SLCO6A1: variants seen among roughly 807,000 people sequenced by gnomAD.
SLCO6A1 encodes the protein cancer/testis antigen 48.
SLCO6A1 carries 65 observed loss-of-function variants against 72.7 expected under a neutral mutation model. That is an observed-to-expected ratio of 0.89 (90% CI 0.73 to 1.10). The LOEUF (loss-of-function observed/expected upper bound fraction) is 1.10. Among genes scored for constraint, SLCO6A1 ranks in the 50% least tolerant of loss-of-function variants. The probability of loss-of-function intolerance (pLI) is 0.00; values close to 1 mark genes in which losing one functional copy is unlikely to be tolerated. For synonymous variants in SLCO6A1, 314 were observed against 298.2 expected (o/e 1.05, Z -0.55); for missense variants, 874 against 872.6 (o/e 1.00, Z -0.02).
chr5:102,430,779 G>A (rs1749173195), intron 7 of SLCO6A1, among the ~76,000 whole-genome samples: 1 of 152,052 alleles, frequency 6.6e-6, no homozygotes, highest in African/African-American at 2.4e-5. Flanking sequence ...TCTCTTCCAG[G>A]TTTTGGTATC....
chr5:102,405,671 T>C (rs1747630740), intron 9 of SLCO6A1, among the ~76,000 whole-genome samples: 1 of 152,000 alleles, frequency 6.6e-6, no homozygotes, highest in Admixed American at 6.6e-5. Flanking sequence ...TTACAAGAAA[T>C]GCCAAAATAA....
At chr5:102,400,597 G>A (rs963530589) in intron 9 of SLCO6A1, among the ~76,000 whole-genome samples, 9 of 151,702 alleles carry the variant, frequency 5.9e-5, no homozygotes, top group Non-Finnish European at 1.2e-4. Context: ...AGACCAGTTC[G>A]CAATTTATTA....
In SLCO6A1 at chr5:102,449,235, T is replaced by A. The variant is rs137934032; in HGVS notation, c.1131+9147A>T. Among the ~76,000 whole-genome samples the A allele has an allele frequency of 3.2e-4, 48 of 152,278 alleles. 1 individual carries two copies. In the East Asian group the frequency reaches 5.2e-3, roughly 17 times the overall value. On this transcript the variant is annotated intron_variant, in intron 6 of 13. Transcript: ENST00000506729. Reference sequence around the variant, plus strand: ...AGAGTTTCTGCTGACAGGTCTACCGTTAGCTTGATGGGGTTGACTTTGTAG... The same window carrying A: ...AGAGTTTCTGCTGACAGGTCTACCGATAGCTTGATGGGGTTGACTTTGTAG...
At position 102,494,047 on chromosome 5, in the gene SLCO6A1, C is replaced by T. The variant is rs187636504; in HGVS notation, c.358+4440G>A. Among the ~76,000 whole-genome samples the T allele has an allele frequency of 2.1e-3, 317 of 152,082 alleles. 3 individuals carry two copies. Among genetic ancestry groups the T allele is most frequent in the African/African-American group, 7.3e-3 (301 of 41,504 alleles). On this transcript the variant is annotated intron_variant, in intron 1 of 13. Transcript: ENST00000506729. ...GATTTTAATGCATATAATAAAGCTACAGTAACCAATGCAATATAATATTTG... is the reference window on the plus strand; with the variant it reads ...GATTTTAATGCATATAATAAAGCTATAGTAACCAATGCAATATAATATTTG...
intron 11 of SLCO6A1, among the ~76,000 whole-genome samples, chr5:102,389,452 A>ACCC (rs1203152155): frequency 3.4e-5 from 2 of 58,058 alleles, no homozygotes; most frequent in South Asian, 7.6e-4. Context: ...CCCGCCCCCC[A>ACCC]CCCCCACACA....
rs764412200 is a variant in SLCO6A1, at chr5:102,418,599, T to C, written c.1472+1227A>G. 6.7e-4 allele frequency among the ~76,000 whole-genome samples: 102 copies of C among 152,160 alleles called. 2 individuals carry two copies. Among genetic ancestry groups the C allele is most frequent in the Admixed American group, 6.5e-5 (1 of 15,270 alleles). On this transcript the variant is annotated intron_variant, in intron 8 of 13. Transcript: ENST00000506729. ...ATCATTTATATTTTATAGCTTTGGA[T>C]CATATTATCTCTCTATGACACAGCT...
chr5:102,410,128 T>C (rs1347247759), intron 9 of SLCO6A1, among the ~76,000 whole-genome samples: 1 of 152,198 alleles, frequency 6.6e-6, no homozygotes, highest in African/African-American at 2.4e-5. Flanking sequence ...GGAGCTTTAC[T>C]GAGTGTTACA....
intron 4 of SLCO6A1, among the ~76,000 whole-genome samples, chr5:102,466,605 T>C (rs1453934083): frequency 6.6e-6 from 1 of 152,180 alleles, no homozygotes; most frequent in Non-Finnish European, 1.5e-5. Context: ...CCGCACTGTC[T>C]TCCACAATGG....
chr5:102,472,144 T>C (rs1423283096), intron 4 of SLCO6A1, among the ~76,000 whole-genome samples: 1 of 152,132 alleles, frequency 6.6e-6, no homozygotes, highest in Non-Finnish European at 1.5e-5. Context: ...TCAGCCTCCC[T>C]GAGCAGAGGA....
In SLCO6A1 at chr5:102,480,321, C is replaced by A. The variant is rs758311708; in HGVS notation, c.472G>T (p.Val158Leu). The A allele has an allele frequency of 1.2e-6, 2 of 1,613,520 alleles. No homozygotes were observed. ...CCATAGAATGCTATAAATATTGCTA[C>A]CAGGCCAGATGAAATATCGTAACTC... ...EKSYDISSGL[V>L]AIFIAFYGDR... Residue 158 changes from valine to leucine, a missense_variant, in exon 2 of 14, where the codon GTA becomes TTA. Transcript: ENST00000506729.
rs1748083825 is a variant in SLCO6A1, at chr5:102,413,149, A to C, written c.1473-6T>G. On this transcript the variant is annotated splice_region_variant and splice_polypyrimidine_tract_variant and intron_variant, in intron 8 of 13. Transcript: ENST00000506729. The stretch of plus-strand genomic sequence containing the variant: ...GGTTTCCCAACTTCCCTGTTCTGTA[A>C]AAACAAGATTGAATGTAATCATATT... The C allele has an allele frequency of 2.6e-6, 4 of 1,559,058 alleles. No homozygotes were observed. The highest frequency in any genetic ancestry group is 3.4e-6 in the Non-Finnish European group (4 of 1,161,492).
At chr5:102,451,296 G>C (rs1364126058) in intron 6 of SLCO6A1, among the ~76,000 whole-genome samples, 1 of 152,184 alleles carries the variant, frequency 6.6e-6, no homozygotes, top group East Asian at 1.9e-4. Context: ...GCTCAGGCAG[G>C]GGTGGGTTGG....
chr5:102,454,638 TAAG>T (rs1750604374), intron 6 of SLCO6A1, among the ~76,000 whole-genome samples: 1 of 151,814 alleles, frequency 6.6e-6, no homozygotes, highest in African/African-American at 2.4e-5. Flanking sequence ...CATTTCCAAG[TAAG>T]AAGAATTGGA....
intron 4 of SLCO6A1, among the ~76,000 whole-genome samples, chr5:102,461,378 C>T (rs898484300): frequency 7.9e-5 from 12 of 151,942 alleles, no homozygotes; most frequent in African/African-American, 2.9e-4. Flanking sequence ...CCCACAAATT[C>T]AAGTAATTCA....
chr5:102,378,583 A>ATAT, intron 12 of SLCO6A1, among the ~76,000 whole-genome samples: 1 of 147,092 alleles, frequency 6.8e-6, no homozygotes, highest in East Asian at 2.0e-4. Flanking sequence ...ATATTTATAT[A>ATAT]GCAAACCAAA....
intron 6 of SLCO6A1, among the ~76,000 whole-genome samples, chr5:102,444,659 C>T (rs1402505221): frequency 1.3e-5 from 2 of 152,098 alleles, no homozygotes; most frequent in Non-Finnish European, 2.9e-5. Context: ...TCAGAAAAAA[C>T]AGTTTATTTA....
intron 4 of SLCO6A1, among the ~76,000 whole-genome samples, chr5:102,467,843 G>A (rs1202641685): frequency 6.6e-6 from 1 of 152,016 alleles, no homozygotes; most frequent in Non-Finnish European, 1.5e-5. Flanking sequence ...GTTCTGCTCT[G>A]ATCTTTGTTA....
chr5:102,441,416 T>TA (rs1561464192), intron 6 of SLCO6A1, among the ~76,000 whole-genome samples: 2 of 152,160 alleles, frequency 1.3e-5, no homozygotes, highest in Admixed American at 6.5e-5. Context: ...TCAGTTCTCT[T>TA]ACATTGATCT....
At chr5:102,493,517 A>G (rs1752778881) in intron 1 of SLCO6A1, among the ~76,000 whole-genome samples, 1 of 152,208 alleles carries the variant, frequency 6.6e-6, no homozygotes, top group Non-Finnish European at 1.5e-5. Context: ...CATCTTAAAA[A>G]ATAAAACCTA....
Sources: allele counts gnomAD v4.1 joint callset (sites outside exome capture counted in the v4.1 genomes callset), GRCh38; gene constraint gnomAD v4.1.1; transcripts MANE v1.5; gene names NCBI Gene and HGNC (gene_info 2026-07-23, HGNC 2026-07-21).